The following UBE2D2 variants were observed in gnomAD, a reference collection of about 807,000 sequenced individuals.
UBE2D2 encodes the protein ubiquitin conjugating enzyme E2 D2.
Under a neutral mutation model 24.2 loss-of-function variants are expected in UBE2D2, and 2 were observed. That is an observed-to-expected ratio of 0.08 (90% confidence interval 0.03 to 0.26). The LOEUF is 0.26. Ranked by LOEUF, UBE2D2 falls within the 10% of genes least tolerant of loss-of-function variation. UBE2D2 has a pLI of 1.00. For missense variants in UBE2D2, 44 were observed against 177.6 expected, an observed-to-expected ratio of 0.25 and a Z score of 4.28; for synonymous variants, 58 against 56.5, an observed-to-expected ratio of 1.03 and a Z score of -0.12.
intron 1 of UBE2D2, among the ~76,000 whole-genome samples, chr5:139,589,707 A>G (rs1006260944): frequency 1.3e-5 from 2 of 152,218 alleles, no homozygotes; most frequent in Non-Finnish European, 2.9e-5. Flanking sequence ...TAAATAGCAA[A>G]ATTAAATAGC....
At chr5:139,603,371 G>A (rs1302663993) in intron 2 of UBE2D2, among the ~76,000 whole-genome samples, 3 of 152,134 alleles carry the variant, frequency 2.0e-5, no homozygotes, top group African/African-American at 7.2e-5. Context: ...CCACAGCCGA[G>A]TGCGATGGTT....
At chr5:139,568,919 GA>G (rs1484252093) in intron 1 of UBE2D2, among the ~76,000 whole-genome samples, 6 of 152,150 alleles carry the variant, frequency 3.9e-5, no homozygotes, top group African/African-American at 1.2e-4. Context: ...GTGGTGAGCT[GA>G]GATCGCACCA....
intron 1 of UBE2D2, among the ~76,000 whole-genome samples, chr5:139,569,928 T>C (rs1369340068): frequency 6.6e-6 from 1 of 152,200 alleles, no homozygotes; most frequent in East Asian, 1.9e-4. Flanking sequence ...TCAACTTCCC[T>C]TTATATGATT....
At position 139,561,598 on chromosome 5, in the gene UBE2D2, GT is replaced by G. The variant is rs1753095845; in HGVS notation, c.-193del. ...AAAGGGGCCGCCGCCGGGTGATGCG[GT>G]GACCGCTGCGGCAGGCCCAGGAGCT... is the stretch of plus-strand genomic sequence containing the variant. On this transcript the variant is annotated 5_prime_UTR_variant, in exon 1 of 7. It removes the in-frame stop codon of an upstream open reading frame in the 5' UTR. Coordinates refer to ENST00000398733, the MANE Select transcript of UBE2D2 (RefSeq NM_003339.3). The G allele has an allele frequency of 2.3e-6, 1 of 441,268 alleles. No homozygotes were observed. The highest frequency in any genetic ancestry group is 2.0e-5 in the African/African-American group (1 of 48,794). The allele number at this position is 441,268 out of a possible 1,614,324, so 27.3% of individuals were successfully genotyped here. A position where few individuals can be genotyped will look rare whatever the true frequency, so the allele number is the denominator to read the frequency against.
At chr5:139,564,235 C>T (rs1288882602) in intron 1 of UBE2D2, among the ~76,000 whole-genome samples, 3 of 152,090 alleles carry the variant, frequency 2.0e-5, no homozygotes, top group Admixed American at 2.0e-4. Context: ...CTCACCGCAA[C>T]CTCCACCTCC....
At chr5:139,549,405 G>A (rs143326147) in intron 1 of UBE2D2, among the ~76,000 whole-genome samples, 447 of 152,306 alleles carry the variant, frequency 2.9e-3, no homozygotes, top group African/African-American at 0.01. Context: ...CGCGAGTTCC[G>A]GGTGCGCGGG....
intron 1 of UBE2D2, among the ~76,000 whole-genome samples, chr5:139,580,328 G>A (rs1753570125): frequency 1.3e-5 from 2 of 152,130 alleles, no homozygotes; most frequent in Non-Finnish European, 2.9e-5. Flanking sequence ...GCCTTCCAAA[G>A]TGCTGAGATT....
chr5:139,583,870 C>T lies in UBE2D2; in HGVS notation c.25-16502C>T, dbSNP rs148568218. Reference sequence around the variant, plus strand: ...ATATGCCACATAATGACATTTTGGTCAATGACAGATGATATTATGACAGTG... The same window carrying T: ...ATATGCCACATAATGACATTTTGGTTAATGACAGATGATATTATGACAGTG... On this transcript the variant is annotated intron_variant, in intron 1 of 6. Coordinates refer to ENST00000398733, the MANE Select transcript of UBE2D2 (RefSeq NM_003339.3). 3.5e-3 allele frequency among the ~76,000 whole-genome samples: 537 copies of T among 152,236 alleles called. 7 individuals carry two copies. Among genetic ancestry groups the T allele is most frequent in the African/African-American group, 0.012 (499 of 41,542 alleles).
At chr5:139,596,034 C>G (rs1240050251) in intron 1 of UBE2D2, among the ~76,000 whole-genome samples, 8 of 150,496 alleles carry the variant, frequency 5.3e-5, no homozygotes, top group African/African-American at 2.0e-4. Flanking sequence ...GCTGGGACTA[C>G]AGGCGCGCGC....
intron 1 of UBE2D2, among the ~76,000 whole-genome samples, chr5:139,535,542 T>C (rs1428913486): frequency 6.6e-6 from 1 of 151,892 alleles, no homozygotes; most frequent in African/African-American, 2.4e-5. Context: ...GGCGGGAGAA[T>C]TGCTTGAACC....
At chr5:139,625,064 T>G (rs1754586456) in intron 6 of UBE2D2, among the ~76,000 whole-genome samples, 1 of 145,382 alleles carries the variant, frequency 6.9e-6, no homozygotes, top group African/African-American at 2.5e-5. Flanking sequence ...ACCCCCCACT[T>G]TTTTTTTTGC....
chr5:139,623,325 T>G (rs984161985), intron 5 of UBE2D2, 43 bp from the exon 6 acceptor site: 6 of 1,463,022 alleles, frequency 4.1e-6, no homozygotes, highest in Admixed American at 1.8e-5. Context: ...CTCAACCCTT[T>G]GCTTTGATCC....
rs1752802749 is a variant in UBE2D2 at position 139,544,738 on chromosome 5, C to T, written c.-64+18126C>T. The stretch of plus-strand genomic sequence containing the variant: ...TCCTTTAATTTTTTACATATGAATA[C>T]ATCATTGAGACTTTCTGTAACCCAC... On this transcript the variant is annotated intron_variant, in intron 1 of 6. Coordinates refer to the UBE2D2 transcript ENST00000511725. 2.0e-5 allele frequency among the ~76,000 whole-genome samples: 3 copies of T among 151,822 alleles called. No homozygotes were observed. The South Asian group carries it at 6.2e-4, about 32-fold the overall frequency.
chr5:139,533,487 TAAAAATACAA>T (rs971564812), intron 1 of UBE2D2, among the ~76,000 whole-genome samples: 2 of 150,860 alleles, frequency 1.3e-5, no homozygotes, highest in Admixed American at 1.3e-4. Context: ...TCCTGTCTAC[TAAAAATACAA>T]AAATTAGCTG....
intron 1 of UBE2D2, among the ~76,000 whole-genome samples, chr5:139,588,613 A>G (rs1462216478): frequency 6.6e-6 from 1 of 152,212 alleles, no homozygotes; most frequent in African/African-American, 2.4e-5. Context: ...TATATAACAT[A>G]TCATTAAAAG....
At chr5:139,598,378 A>G (rs1353322785) in intron 1 of UBE2D2, among the ~76,000 whole-genome samples, 2 of 151,988 alleles carry the variant, frequency 1.3e-5, no homozygotes, top group Non-Finnish European at 2.9e-5. Flanking sequence ...TTTTGTCTCA[A>G]AAACCAAGCT....
chr5:139,592,248 G>A lies in UBE2D2; in HGVS notation c.25-8124G>A, dbSNP rs146512621. Among the ~76,000 whole-genome samples, 574 of 152,142 alleles carry A rather than the reference G, an allele frequency of 3.8e-3. 2 individuals carry two copies. Among genetic ancestry groups the A allele is most frequent in the Middle Eastern group, 0.014 (4 of 294 alleles). On this transcript the variant is annotated intron_variant, in intron 1 of 6. Coordinates refer to ENST00000398733, the MANE Select transcript of UBE2D2 (RefSeq NM_003339.3). ...AAATGAAAACCTGGAACACACCTTG[G>A]CCTTCTAAGTCTCATCTCTTTTTCC...
intron 1 of UBE2D2, among the ~76,000 whole-genome samples, chr5:139,539,211 G>C (rs1408147545): frequency 6.6e-6 from 1 of 152,070 alleles, no homozygotes; most frequent in East Asian, 1.9e-4. Flanking sequence ...TTTTAGTAGA[G>C]ACGGGGTTTC....
chr5:139,536,599 A>G (rs1752684564), intron 1 of UBE2D2, among the ~76,000 whole-genome samples: 1 of 151,326 alleles, frequency 6.6e-6, no homozygotes, highest in African/African-American at 2.4e-5. Context: ...CAGGCAATTC[A>G]CCCCCCTCAG....
Sources: allele counts gnomAD v4.1 joint callset (sites outside exome capture counted in the v4.1 genomes callset), GRCh38; gene constraint gnomAD v4.1.1; transcripts MANE v1.5; gene names NCBI Gene and HGNC (gene_info 2026-07-23, HGNC 2026-07-21).